The following RSPH10B variants were observed in gnomAD, a reference collection of about 807,000 sequenced individuals.
RSPH10B encodes the protein radial spoke head 10 homolog B (Chlamydomonas).
Under a neutral mutation model 52.5 loss-of-function variants are expected in RSPH10B, and 7 were observed. The ratio of observed to expected loss-of-function variants is 0.13; its 90% CI spans 0.08 to 0.25. The LOEUF (loss-of-function observed/expected upper bound fraction) is 0.25. Among genes scored for constraint, RSPH10B ranks in the 10% least tolerant of loss-of-function variants. The pLI is 1.00. For synonymous variants in RSPH10B, 28 were observed against 193.2 expected, an observed-to-expected ratio of 0.14 and a Z score of 7.09; for missense variants, 89 against 542.5, an observed-to-expected ratio of 0.16 and a Z score of 8.30.
At chr7:5,943,989 T>C (rs1266894030) in exon 12 of RSPH10B, 1 of 1,609,546 alleles carries the variant, frequency 6.2e-7, no homozygotes, top group Non-Finnish European at 8.5e-7. Context: ...GGGCTTCTCT[T>C]TCTGTGATAA....
intron 17 of RSPH10B, among the ~76,000 whole-genome samples, chr7:5,932,163 C>G (rs1005365304): frequency 4.0e-5 from 5 of 125,524 alleles, no homozygotes; most frequent in African/African-American, 9.2e-5. Flanking sequence ...GAAGTTCACA[C>G]GGACACGGCT....
At chr7:5,964,352 A>C (rs2128641921) in intron 3 of RSPH10B, 150 bp downstream of exon 5, 1 of 519,096 alleles carries the variant, frequency 1.9e-6, no homozygotes, top group East Asian at 3.5e-5. Flanking sequence ...GGTCCCATGC[A>C]GTCATGAGTT....
intron 1 of RSPH10B, among the ~76,000 whole-genome samples, chr7:5,966,381 T>C (rs1369267380): frequency 8.5e-6 from 1 of 117,758 alleles, no homozygotes; most frequent in Non-Finnish European, 1.8e-5. Flanking sequence ...GCTGTATGTT[T>C]GCTATTTGGG....
chr7:5,968,839 T>G (rs564843411), upstream of RSPH10B, among the ~76,000 whole-genome samples: 5 of 47,544 alleles, frequency 1.1e-4, 1 homozygote, highest in South Asian at 5.0e-3. Flanking sequence ...TTGGGTTTGT[T>G]TTTTTTTTTT....
Position 5,938,997 on chromosome 7 carries a change from G to A in RSPH10B, c.1759-168C>T, listed in dbSNP as rs1188485550. Among the ~76,000 whole-genome samples the A allele has an allele frequency of 1.9e-4, 15 of 77,206 alleles. 3 individuals carry two copies. Among genetic ancestry groups the A allele is most frequent in the African/African-American group, 5.2e-4 (12 of 23,080 alleles). 50.7% of individuals were successfully genotyped at this position (77,206 alleles called of 152,430 possible). ...GTCGCCCAGGCTGCTAGGCAGTGGC[G>A]CAATCTCAGCTCACTGCAACGTCCA... On this transcript the variant is annotated intron_variant, in intron 13 of 18. Transcript: ENST00000337579.
rs1383853872 is a variant in RSPH10B at position 5,931,811 on chromosome 7, G to T, written c.2233+971C>A. Among the ~76,000 whole-genome samples the T allele has an allele frequency of 2.0e-5, 3 of 151,042 alleles. No homozygotes were observed. In the East Asian group the frequency reaches 5.8e-4, roughly 29 times the overall value. On this transcript the variant is annotated intron_variant, in intron 17 of 18. Transcript: ENST00000337579. ...AGGTCAGGAGTTTGAGACCACCCTGGCCAACATCATGAAACCCCATCTACT... is the reference window on the plus strand; with the variant it reads ...AGGTCAGGAGTTTGAGACCACCCTGTCCAACATCATGAAACCCCATCTACT...
chr7:5,970,640 C>G (rs1049588705), upstream of RSPH10B: 5 of 140,166 alleles, frequency 3.6e-5, no homozygotes, highest in African/African-American at 7.9e-5. Flanking sequence ...GCCCAGAGAC[C>G]TCGCCGGGCT....
At chr7:5,942,505 CA>C (rs1420576368) in intron 13 of RSPH10B, among the ~76,000 whole-genome samples, 1 of 134,308 alleles carries the variant, frequency 7.4e-6, no homozygotes, top group Non-Finnish European at 1.6e-5. Flanking sequence ...GCTGGAATTA[CA>C]GGGGTGCCCC....
intron 17 of RSPH10B, among the ~76,000 whole-genome samples, chr7:5,929,266 A>G (rs1779693105): frequency 7.0e-6 from 1 of 142,782 alleles, no homozygotes; most frequent in South Asian, 2.3e-4. Flanking sequence ...TGCAGCCTCC[A>G]ACTCCTGGGC....
At chr7:5,941,527 G>A (rs1254403209) in intron 13 of RSPH10B, among the ~76,000 whole-genome samples, 1 of 149,338 alleles carries the variant, frequency 6.7e-6, no homozygotes, top group African/African-American at 2.4e-5. Flanking sequence ...GGCGGATCAC[G>A]AGGTCAAGAG....
At chr7:5,927,074 G>GTGTATATATT (rs1562553356) in intron 18 of RSPH10B, among the ~76,000 whole-genome samples, 1 of 74,210 alleles carries the variant, frequency 1.3e-5, no homozygotes. Flanking sequence ...GTGTATATGT[G>GTGTATATATT]TGTGTGTGTG....
chr7:5,945,167 T>G (rs2128631930), exon 11 of RSPH10B: 1 of 612,230 alleles, frequency 1.6e-6, no homozygotes, highest in South Asian at 1.8e-5. Flanking sequence ...TCAACTGGTA[T>G]GTCATTATTG....
intron 17 of RSPH10B, among the ~76,000 whole-genome samples, chr7:5,928,899 T>C (rs1057418941): frequency 2.7e-5 from 4 of 148,974 alleles, no homozygotes; most frequent in African/African-American, 1.0e-4. Context: ...GTGCTGGGAT[T>C]ACAGGCATGA....
chr7:5,954,097 C>G (rs1583238201), intron 7 of RSPH10B, among the ~76,000 whole-genome samples: 1 of 109,974 alleles, frequency 9.1e-6, no homozygotes, highest in East Asian at 3.0e-4. Context: ...TCCGCCTCAG[C>G]CTCCAAAAGT....
intron 13 of RSPH10B, among the ~76,000 whole-genome samples, chr7:5,941,502 T>C (rs1780183722): frequency 6.7e-6 from 1 of 148,822 alleles, no homozygotes; most frequent in Non-Finnish European, 1.5e-5. Flanking sequence ...CCCAGCACTT[T>C]GGGAGTCCGA....
At chr7:5,933,748 C>A (rs1194828214) in intron 16 of RSPH10B, among the ~76,000 whole-genome samples, 2 of 115,170 alleles carry the variant, frequency 1.7e-5, no homozygotes, top group African/African-American at 3.3e-5. Flanking sequence ...GCCTGGGCGA[C>A]AGAGCGAGAC....
At chr7:5,928,113 T>C in intron 18 of RSPH10B, 83 bp downstream of exon 20, 1 of 1,599,676 alleles carries the variant, frequency 6.3e-7, no homozygotes, top group Non-Finnish European at 8.6e-7. Context: ...GGAAAGCACT[T>C]GGTCCTGATG....
intron 6 of RSPH10B, among the ~76,000 whole-genome samples, chr7:5,957,583 C>G (rs373747871): frequency 0.13 from 5,640 of 42,478 alleles, 83 homozygotes; most frequent in Admixed American, 0.26. Flanking sequence ...GTCCGGAGTT[C>G]GAAACCAACC....
chr7:5,937,104 A>AAT (rs1201034676), intron 15 of RSPH10B, among the ~76,000 whole-genome samples: 6,892 of 59,030 alleles, frequency 0.12, 183 homozygotes, highest in East Asian at 0.49. Flanking sequence ...AAAAAAAAAA[A>AAT]AGAATTAGCT....
Sources: gnomAD v4.1 joint callset for allele counts (sites outside exome capture counted in the v4.1 genomes callset) on GRCh38, gnomAD v4.1.1 for gene constraint, MANE v1.5 for transcripts, NCBI Gene and HGNC (gene_info 2026-07-23, HGNC 2026-07-21) for gene names.